The following PKD1L3 variants were observed in gnomAD, a reference collection of about 807,000 sequenced individuals.
PKD1L3 encodes polycystin-1-like protein 3.
Under a neutral mutation model 184.1 loss-of-function variants are expected in PKD1L3, and 239 were observed. The observed-to-expected ratio is 1.30, with a 90% CI of 1.17 to 1.45. The LOEUF (loss-of-function observed/expected upper bound fraction) is 1.45, where lower values mean the gene tolerates loss of function less well. Among genes scored for constraint, PKD1L3 ranks in the 40% most tolerant of loss-of-function variants. The probability of loss-of-function intolerance (pLI) is 0.00; values close to 1 mark genes in which losing one functional copy is unlikely to be tolerated. For missense variants in PKD1L3, 2,660 were observed against 2,067.2 expected (o/e 1.29, Z -5.56); for synonymous variants, 996 against 778.8 (o/e 1.28, Z -4.64).
chr16:71,943,002 C>G lies in PKD1L3; in HGVS notation c.3882G>C (p.Leu1294=). Reference sequence around the variant, plus strand: ...TTGCAGAGTAGATTGCAGTCATCAACAGGGTAAGGAAGAGGATTTGTACTT... The same window carrying G: ...TTGCAGAGTAGATTGCAGTCATCAAGAGGGTAAGGAAGAGGATTTGTACTT... ...DILVQILFLT[L]LMTAIYSAKN... The change falls in exon 24 of 30, where the codon CTG becomes CTC. Residue 1294 remains leucine, a synonymous_variant. Transcript: ENST00000620267. 1 of 1,550,864 alleles carries G rather than the reference C, an allele frequency of 6.4e-7. No homozygotes were observed. Among genetic ancestry groups the G allele is most frequent in the Non-Finnish European group, 8.7e-7 (1 of 1,146,414 alleles).
intron 2 of PKD1L3, among the ~76,000 whole-genome samples, 181 bp from the exon 3 acceptor site, chr16:71,993,513 G>A (rs1335484702): frequency 6.6e-6 from 1 of 152,140 alleles, no homozygotes; most frequent in African/African-American, 2.4e-5. Context: ...ACATTATGGT[G>A]TCCCACATTT....
intron 22 of PKD1L3, among the ~76,000 whole-genome samples, chr16:71,945,325 TATAC>T (rs1356049482): frequency 0.037 from 2,492 of 67,314 alleles, 44 homozygotes; most frequent in East Asian, 0.05. Context: ...CACACACATA[TATAC>T]ACACACACAC....
At position 71,934,036 on chromosome 16, in the gene PKD1L3, C is replaced by T; in HGVS notation, c.4703G>A (p.Trp1568Ter). 1 of 1,551,840 alleles carries T rather than the reference C, an allele frequency of 6.4e-7. No individual in the cohort carries two copies. The highest frequency in any genetic ancestry group is 8.7e-7 in the Non-Finnish European group (1 of 1,147,036). Reference protein sequence around the residue: ...FPVLLATVQLWNLLRHSPRLR... With the variant: ...FPVLLATVQL ...CCTGGGGCTATGACGCAGCAGGTTCCATAACTGAACAGTTGCCAGGAGAAC... is the reference window on the plus strand; with the variant it reads ...CCTGGGGCTATGACGCAGCAGGTTCTATAACTGAACAGTTGCCAGGAGAAC... The change falls in exon 27 of 30, where the codon TGG becomes TAG. Residue 1568 changes from tryptophan to a stop codon, truncating the protein, a stop_gained. Coordinates refer to ENST00000620267, the MANE Select transcript of PKD1L3 (RefSeq NM_181536.2). LOFTEE classifies it high-confidence loss of function.
chr16:71,977,527 T>A (rs893060815), intron 10 of PKD1L3, 60 bp from the exon 11 acceptor site: 3 of 1,312,168 alleles, frequency 2.3e-6, no homozygotes, highest in Admixed American at 4.1e-5. Flanking sequence ...TTCAAAATCC[T>A]TTATATTGAT....
chr16:71,945,495 A>G (rs1015380304), intron 22 of PKD1L3, among the ~76,000 whole-genome samples: 2 of 150,888 alleles, frequency 1.3e-5, no homozygotes, highest in South Asian at 4.2e-4. Flanking sequence ...CCTGGCCAAT[A>G]TGGGAAAAAC....
At chr16:71,954,643 A>G (rs997250566) in intron 16 of PKD1L3, among the ~76,000 whole-genome samples, 2 of 152,228 alleles carry the variant, frequency 1.3e-5, no homozygotes, top group African/African-American at 4.8e-5. Flanking sequence ...ACTTCTGCTC[A>G]AAATAGTTTG....
intron 15 of PKD1L3, among the ~76,000 whole-genome samples, chr16:71,963,895 T>C (rs972628472): frequency 1.3e-5 from 2 of 152,154 alleles, no homozygotes; most frequent in Non-Finnish European, 2.9e-5. Flanking sequence ...TAGATAAGTA[T>C]GTATCTACAC....
At chr16:71,979,246 C>G (rs1441697875) in intron 9 of PKD1L3, among the ~76,000 whole-genome samples, 2 of 152,150 alleles carry the variant, frequency 1.3e-5, no homozygotes, top group Non-Finnish European at 1.5e-5. Context: ...TAGTTTGAGA[C>G]CAGTCTGGCC....
intron 19 of PKD1L3, among the ~76,000 whole-genome samples, chr16:71,951,023 G>C (rs900043451): frequency 1.3e-5 from 2 of 151,692 alleles, no homozygotes; most frequent in African/African-American, 4.9e-5. Context: ...GATTACAGGC[G>C]TGAGCCACCC....
intron 28 of PKD1L3, among the ~76,000 whole-genome samples, chr16:71,931,463 CTTTTT>C (rs11405919): frequency 2.8e-4 from 32 of 115,890 alleles, no homozygotes; most frequent in African/African-American, 9.2e-4. Flanking sequence ...TTCTCCCCCA[CTTTTT>C]TTTTTTTTTT....
intron 26 of PKD1L3, among the ~76,000 whole-genome samples, 150 bp downstream of exon 26, chr16:71,935,203 GTCTTC>G (rs1447856269): frequency 2.6e-5 from 4 of 152,186 alleles, no homozygotes; most frequent in African/African-American, 7.2e-5. Flanking sequence ...CTAGTTCACT[GTCTTC>G]TCTGCTGTGG....
chr16:71,973,858 G>C (rs2039815174), intron 11 of PKD1L3, among the ~76,000 whole-genome samples: 1 of 151,900 alleles, frequency 6.6e-6, no homozygotes, highest in African/African-American at 2.4e-5. Context: ...AAAAATTAGT[G>C]GGGTGTGGTG....
At chr16:71,947,625 A>T in intron 21 of PKD1L3, 34 bp from the exon 22 acceptor site, 1 of 1,370,540 alleles carries the variant, frequency 7.3e-7, no homozygotes, top group Non-Finnish European at 1.0e-6. Context: ...TCGTGAGCAG[A>T]CATTACAGAC....
rs1166031345 is a variant in PKD1L3, at chr16:71,949,926, GCCAGCAGACTGAAGTCAACCATTT to G, written c.3451_3474del (p.Lys1151_Trp1158del). 6.4e-7 allele frequency: 1 copy of G among 1,551,694 alleles called. No homozygotes were observed. Among genetic ancestry groups the G allele is most frequent in the South Asian group, 1.2e-5 (1 of 84,066 alleles). On this transcript the variant is annotated inframe_deletion, in exon 21 of 30. Transcript: ENST00000620267. ...GCCAGGCTAGTGAAACCTAAGAGGAGCCAGCAGACTGAAGTCAACCATTTGGACAGGCCATTTGAGATGGGCTTT... is the reference window on the plus strand; with the variant it reads ...GCCAGGCTAGTGAAACCTAAGAGGAGGGACAGGCCATTTGAGATGGGCTTT...
chr16:71,951,420 ACT>A, intron 19 of PKD1L3, 142 bp downstream of exon 19: 1 of 767,558 alleles, frequency 1.3e-6, no homozygotes, highest in Non-Finnish European at 2.0e-6. Context: ...AAAGCTATCA[ACT>A]CTATACTAGA....
intron 11 of PKD1L3, among the ~76,000 whole-genome samples, chr16:71,974,662 C>T (rs915516820): frequency 2.0e-5 from 3 of 152,094 alleles, no homozygotes; most frequent in Admixed American, 1.3e-4. Flanking sequence ...CCACCCTGGG[C>T]GACACAGTGA....
chr16:71,932,298 T>TA (rs1187357221), intron 28 of PKD1L3, among the ~76,000 whole-genome samples: 1 of 152,214 alleles, frequency 6.6e-6, no homozygotes, highest in Non-Finnish European at 1.5e-5. Context: ...TACCAGGGTT[T>TA]GGAGCCCAGT....
chr16:71,983,659 CTTTCTTTTTTTTT>C (rs1457612312), intron 6 of PKD1L3, among the ~76,000 whole-genome samples: 4 of 92,396 alleles, frequency 4.3e-5, no homozygotes, highest in Non-Finnish European at 8.4e-5. Flanking sequence ...TCCAGATTCT[CTTTCTTTTTTTTT>C]TTTTTTTTTT....
In PKD1L3 at chr16:71,949,983, C is replaced by T. The variant is rs2038766510; in HGVS notation, c.3418G>A (p.Glu1140Lys). 1.2e-5 allele frequency: 19 copies of T among 1,551,502 alleles called. No individual in the cohort carries two copies. Among genetic ancestry groups the T allele is most frequent in the Non-Finnish European group, 1.6e-5 (18 of 1,146,980 alleles). ...CCATTTGAGATGGGCTTTTTTCCTT[C>T]TTCTGAGCTCAGGATGGCAAAACTG... Reference protein sequence around the residue: ...VTSFAILSSEEGKKPISNGLS... With the variant: ...VTSFAILSSEKGKKPISNGLS... Residue 1140 changes from glutamate to lysine, a missense_variant, in exon 21 of 30, where the codon GAA becomes AAA. Transcript: ENST00000620267.
Sources: gnomAD v4.1 joint callset for allele counts (sites outside exome capture counted in the v4.1 genomes callset) on GRCh38, gnomAD v4.1.1 for gene constraint, MANE v1.5 for transcripts, NCBI Gene and HGNC (gene_info 2026-07-23, HGNC 2026-07-21) for gene names.